Variants in LRRC37A2 observed in about 807,000 individuals in gnomAD.
The protein encoded by LRRC37A2 is leucine-rich repeat-containing protein 37A2.
In LRRC37A2, 9 loss-of-function variants were observed where a neutral mutation model predicts 68.8. The observed-to-expected ratio is 0.13, with a 90% CI of 0.08 to 0.23. The LOEUF is 0.23. Ranked by LOEUF, LRRC37A2 falls within the 10% of genes least tolerant of loss-of-function variation. The probability of loss-of-function intolerance (pLI) is 1.00; values close to 1 mark genes in which losing one functional copy is unlikely to be tolerated. For synonymous variants in LRRC37A2, 63 were observed against 367.6 expected (o/e 0.17, Z 9.48); for missense variants, 168 against 950.4 (o/e 0.18, Z 10.82).
At chr17:46,821,497 G>C in the LRRC37A2 span, among the ~76,000 whole-genome samples, 1 of 152,130 alleles carries the variant, frequency 6.6e-6, no homozygotes, top group Non-Finnish European at 1.5e-5. Context: ...TCTCTAACAG[G>C]TACCCCAAGC....
the LRRC37A2 span, among the ~76,000 whole-genome samples, chr17:46,981,317 T>G: frequency 6.6e-6 from 1 of 152,032 alleles, no homozygotes; most frequent in Non-Finnish European, 1.5e-5. Context: ...TGTTGGGAGG[T>G]GGGGTGAGAT....
chr17:46,850,992 T>G, the LRRC37A2 span, among the ~76,000 whole-genome samples: 4 of 152,234 alleles, frequency 2.6e-5, no homozygotes, highest in South Asian at 8.3e-4. Flanking sequence ...CCCTTTCCTC[T>G]CTCCCCTCTG....
At chr17:46,950,493 G>A in the LRRC37A2 span, among the ~76,000 whole-genome samples, 2 of 152,212 alleles carry the variant, frequency 1.3e-5, no homozygotes, top group South Asian at 4.1e-4. Flanking sequence ...TTGTCCCAGG[G>A]AAAGGCCCAA....
At chr17:46,779,086 CA>C in the LRRC37A2 span, among the ~76,000 whole-genome samples, 5 of 147,740 alleles carry the variant, frequency 3.4e-5, no homozygotes, top group East Asian at 1.1e-3. Flanking sequence ...CACACACACA[CA>C]CACACACACA....
the LRRC37A2 span, among the ~76,000 whole-genome samples, chr17:46,868,570 T>C: frequency 2.0e-5 from 3 of 152,114 alleles, no homozygotes; most frequent in Non-Finnish European, 4.4e-5. Context: ...CACTCCAGCC[T>C]GGGTGATGGA....
the LRRC37A2 span, chr17:46,872,868 C>T: frequency 1.4e-6 from 2 of 1,422,902 alleles, no homozygotes; most frequent in Non-Finnish European, 1.9e-6. Flanking sequence ...TTTCCTGGCT[C>T]CCGTGCCCAG....
the LRRC37A2 span, among the ~76,000 whole-genome samples, chr17:46,778,643 G>T: frequency 0.014 from 2,194 of 152,236 alleles, 53 homozygotes; most frequent in African/African-American, 0.051. Context: ...TTCGGGAGGC[G>T]GCACAGTGAC....
chr17:47,010,505 TTTCTGCCTGATGC>T, the LRRC37A2 span: 1 of 152,400 alleles, frequency 6.6e-6, no homozygotes, highest in African/African-American at 2.4e-5. Flanking sequence ...ACAGCTGCTA[TTTCTGCCTGATGC>T]TTGGCCAGTT....
chr17:46,895,038 C>G, the LRRC37A2 span, among the ~76,000 whole-genome samples: 1 of 152,214 alleles, frequency 6.6e-6, no homozygotes, highest in Non-Finnish European at 1.5e-5. Context: ...GCAGAGCAGA[C>G]CTGCCCAGAC....
chr17:46,900,529 C>T, the LRRC37A2 span, among the ~76,000 whole-genome samples: 2 of 152,142 alleles, frequency 1.3e-5, no homozygotes, highest in South Asian at 2.1e-4. Flanking sequence ...GGATTGCAGG[C>T]GTAAGCCACG....
chr17:46,976,506 C>T, the LRRC37A2 span, among the ~76,000 whole-genome samples: 1 of 152,000 alleles, frequency 6.6e-6, no homozygotes, highest in Non-Finnish European at 1.5e-5. Context: ...AAGATTGCGC[C>T]ACTGCACTCC....
chr17:46,863,976 C>T, the LRRC37A2 span, among the ~76,000 whole-genome samples: 2 of 152,182 alleles, frequency 1.3e-5, no homozygotes, highest in African/African-American at 4.8e-5. Context: ...TGCAGGAGAA[C>T]AAGTGGAATC....
At chr17:47,019,407 C>T in the LRRC37A2 span, 1 of 1,611,150 alleles carries the variant, frequency 6.2e-7, no homozygotes, top group African/African-American at 1.4e-5. Context: ...TAAACCATCT[C>T]CAACCACGGA....
the LRRC37A2 span, among the ~76,000 whole-genome samples, chr17:46,816,467 GAACA>G: frequency 9.1e-6 from 1 of 109,510 alleles, no homozygotes; most frequent in East Asian, 3.4e-4. Flanking sequence ...CATAGACCCA[GAACA>G]CACGCACACA....
At chr17:47,004,752 A>G in the LRRC37A2 span, among the ~76,000 whole-genome samples, 1 of 151,312 alleles carries the variant, frequency 6.6e-6, no homozygotes, top group Non-Finnish European at 1.5e-5. Flanking sequence ...CTGGTCTTGA[A>G]CTCTTGTGCT....
At chr17:46,726,612 C>G in the LRRC37A2 span, 1 of 1,613,310 alleles carries the variant, frequency 6.2e-7, no homozygotes, top group Non-Finnish European at 8.5e-7. Context: ...TGAGAGATTG[C>G]TTGGTGAGTC....
At chr17:46,884,366 G>A in the LRRC37A2 span, among the ~76,000 whole-genome samples, 1 of 152,020 alleles carries the variant, frequency 6.6e-6, no homozygotes, top group Non-Finnish European at 1.5e-5. Flanking sequence ...CAGTGGTGCC[G>A]CCCCCGCCCC....
the LRRC37A2 span, among the ~76,000 whole-genome samples, chr17:46,974,926 G>C: frequency 1.3e-5 from 2 of 150,268 alleles, no homozygotes; most frequent in Non-Finnish European, 2.9e-5. Context: ...TACTATTTTC[G>C]TCATGCTTAT....
chr17:47,003,428 G>T, the LRRC37A2 span, among the ~76,000 whole-genome samples: 6 of 152,202 alleles, frequency 3.9e-5, no homozygotes, highest in South Asian at 2.1e-4. Context: ...CACACAACAG[G>T]GGGGCAGGGC....
Sources: allele counts gnomAD v4.1 joint callset (sites outside exome capture counted in the v4.1 genomes callset), GRCh38; gene constraint gnomAD v4.1.1; transcripts MANE v1.5; gene names NCBI Gene and HGNC (gene_info 2026-07-23, HGNC 2026-07-21).